Variants in LRP1B observed in about 807,000 individuals in gnomAD.
LRP1B encodes LDL receptor related protein 1B, also known as low-density lipoprotein receptor-related protein 1B.
In LRP1B, 217 loss-of-function variants were observed where a neutral mutation model predicts 556.6. The ratio of observed to expected loss-of-function variants is 0.39; its 90% CI spans 0.35 to 0.44. LRP1B has a LOEUF of 0.44. Among genes scored for constraint, LRP1B ranks in the 20% least tolerant of loss-of-function variants. LRP1B has a pLI of 1.00. For synonymous variants in LRP1B, 2,047 were observed against 1,865.8 expected, an observed-to-expected ratio of 1.10 and a Z score of -2.50; for missense variants, 5,053 against 5,620.8, an observed-to-expected ratio of 0.90 and a Z score of 3.23.
intron 2 of LRP1B, among the ~76,000 whole-genome samples, chr2:141,683,333 A>T (rs1443645316): frequency 6.6e-6 from 1 of 152,160 alleles, no homozygotes; most frequent in Non-Finnish European, 1.5e-5. Context: ...CAAGAAACTG[A>T]GGAGCATGGT....
At chr2:140,288,664 A>C (rs543401044) in intron 84 of LRP1B, among the ~76,000 whole-genome samples, 1 of 151,992 alleles carries the variant, frequency 6.6e-6, no homozygotes, top group South Asian at 2.1e-4. Flanking sequence ...GAATCCATGC[A>C]GTTTACTTAA....
At chr2:140,670,496 G>A (rs949728927) in intron 41 of LRP1B, among the ~76,000 whole-genome samples, 1 of 152,082 alleles carries the variant, frequency 6.6e-6, no homozygotes, top group Non-Finnish European at 1.5e-5. Context: ...AAAACTAGAA[G>A]GACTGGTGGA....
At chr2:141,197,008 C>A (rs979594987) in intron 6 of LRP1B, among the ~76,000 whole-genome samples, 1 of 152,126 alleles carries the variant, frequency 6.6e-6, no homozygotes, top group Non-Finnish European at 1.5e-5. Context: ...TTCCCCTGCA[C>A]AAACCTCTTG....
At chr2:140,392,781 A>C (rs150204704) in intron 66 of LRP1B, among the ~76,000 whole-genome samples, 87 of 152,214 alleles carry the variant, frequency 5.7e-4, no homozygotes, top group Non-Finnish European at 9.1e-4. Context: ...GTTTTATTTT[A>C]ATCTGTGAAT....
intron 1 of LRP1B, among the ~76,000 whole-genome samples, chr2:141,984,097 C>A (rs1201482593): frequency 1.3e-5 from 2 of 152,080 alleles, no homozygotes; most frequent in African/African-American, 4.8e-5. Flanking sequence ...CCATTTAGTC[C>A]AGCCTGCTGG....
intron 1 of LRP1B, among the ~76,000 whole-genome samples, chr2:142,051,573 T>C (rs753647211): frequency 6.6e-6 from 1 of 151,770 alleles, no homozygotes; most frequent in Non-Finnish European, 1.5e-5. Flanking sequence ...TGCCTCCTGG[T>C]TCAAGCAATT....
In LRP1B at chr2:141,822,092, TACACAC is replaced by T. The variant is rs149899299; in HGVS notation, c.83-11697_83-11692del. Among the ~76,000 whole-genome samples the T allele has an allele frequency of 3.3e-3, 372 of 112,378 alleles. 4 individuals carry two copies. The highest frequency in any genetic ancestry group is 4.3e-3 in the African/African-American group (119 of 27,702). 73.7% of individuals were successfully genotyped at this position (112,378 alleles called of 152,430 possible). A position where few individuals can be genotyped will look rare whatever the true frequency, so the allele number is the denominator to read the frequency against. ...AACTGCTTCTTCACCAAAAAATACA[TACACAC>T]ACACACACACACACACACACACACA... On this transcript the variant is annotated intron_variant, in intron 1 of 90. Coordinates refer to ENST00000389484, the MANE Select transcript of LRP1B (RefSeq NM_018557.3).
At chr2:141,938,061 T>C (rs1039192514) in intron 1 of LRP1B, among the ~76,000 whole-genome samples, 5 of 152,200 alleles carry the variant, frequency 3.3e-5, no homozygotes, top group African/African-American at 1.2e-4. Flanking sequence ...TGTGTCTTTT[T>C]TTATGCCAGT....
intron 41 of LRP1B, among the ~76,000 whole-genome samples, chr2:140,619,909 A>C (rs1355629514): frequency 6.6e-6 from 1 of 152,238 alleles, no homozygotes; most frequent in Non-Finnish European, 1.5e-5. Flanking sequence ...ATAGATTCAT[A>C]CATTAATTAA....
chr2:141,528,006 G>C (rs1358762707), intron 2 of LRP1B, among the ~76,000 whole-genome samples: 5 of 152,008 alleles, frequency 3.3e-5, no homozygotes, highest in African/African-American at 1.2e-4. Context: ...ACAGTCATCT[G>C]CCCCTCTTCT....
At chr2:141,609,642 T>C (rs2105320156) in intron 2 of LRP1B, among the ~76,000 whole-genome samples, 1 of 152,322 alleles carries the variant, frequency 6.6e-6, no homozygotes, top group South Asian at 2.1e-4. Flanking sequence ...TAACAATTGA[T>C]TGTCATGAGT....
rs146720979 is a variant in LRP1B at position 141,629,340 on chromosome 2, C to G, written c.206-148807G>C. ...CCATCTCCATATTTCCCTGTTTAAA[C>G]ATTGCTTTTTAATAAAGAGCTAAAC... On this transcript the variant is annotated intron_variant, in intron 2 of 90. Coordinates refer to ENST00000389484, the MANE Select transcript of LRP1B (RefSeq NM_018557.3). Among the ~76,000 whole-genome samples, 588 of 152,224 alleles carry G rather than the reference C, an allele frequency of 3.9e-3. 4 individuals are homozygous for G. Among genetic ancestry groups the G allele is most frequent in the African/African-American group, 0.014 (566 of 41,526 alleles).
At chr2:141,299,840 A>G (rs888277443) in intron 3 of LRP1B, among the ~76,000 whole-genome samples, 3 of 152,196 alleles carry the variant, frequency 2.0e-5, no homozygotes, top group Admixed American at 6.5e-5. Context: ...CAGGACTTCA[A>G]TATTTTTTTA....
chr2:141,303,770 T>C (rs566951801), intron 3 of LRP1B, among the ~76,000 whole-genome samples: 43 of 152,272 alleles, frequency 2.8e-4, no homozygotes, highest in African/African-American at 9.9e-4. Context: ...TTCTTTTCCT[T>C]TGGATAACCA....
chr2:141,999,089 A>C (rs941405620), intron 1 of LRP1B, among the ~76,000 whole-genome samples: 3 of 152,156 alleles, frequency 2.0e-5, no homozygotes, highest in African/African-American at 7.2e-5. Flanking sequence ...CCTATCTGTC[A>C]TGTGATGTTA....
chr2:141,672,232 T>C (rs1487114963), intron 2 of LRP1B, among the ~76,000 whole-genome samples: 1 of 152,054 alleles, frequency 6.6e-6, no homozygotes, highest in Non-Finnish European at 1.5e-5. Flanking sequence ...TAGAGTTTCC[T>C]TGAAGAAAGG....
intron 1 of LRP1B, among the ~76,000 whole-genome samples, chr2:142,045,390 C>A (rs1417392653): frequency 1.3e-5 from 2 of 151,720 alleles, no homozygotes; most frequent in African/African-American, 4.8e-5. Flanking sequence ...GTTCTCATAC[C>A]GATTGCAAAT....
At chr2:140,680,312 G>C (rs1479399046) in intron 41 of LRP1B, among the ~76,000 whole-genome samples, 1 of 152,034 alleles carries the variant, frequency 6.6e-6, no homozygotes, top group Non-Finnish European at 1.5e-5. Flanking sequence ...ACTTTGAGTT[G>C]GTCTTAAGTT....
intron 2 of LRP1B, among the ~76,000 whole-genome samples, chr2:141,579,147 T>C (rs766049588): frequency 3.9e-5 from 6 of 152,198 alleles, no homozygotes; most frequent in Non-Finnish European, 8.8e-5. Context: ...TTTACTCTTC[T>C]TCTTTCTAAA....
Sources: gnomAD v4.1 joint callset for allele counts (sites outside exome capture counted in the v4.1 genomes callset) on GRCh38, gnomAD v4.1.1 for gene constraint, MANE v1.5 for transcripts, NCBI Gene and HGNC (gene_info 2026-07-23, HGNC 2026-07-21) for gene names.